Variants in NIBAN2 observed in about 807,000 individuals in gnomAD.
NIBAN2 encodes the protein protein Niban 2.
NIBAN2 carries 36 observed loss-of-function variants against 81.8 expected under a neutral mutation model. The observed-to-expected ratio is 0.44, with a 90% CI of 0.34 to 0.58. The LOEUF (loss-of-function observed/expected upper bound fraction) is 0.58, where lower values mean the gene tolerates loss of function less well. Among genes scored for constraint, NIBAN2 ranks in the 20% least tolerant of loss-of-function variants. The probability of loss-of-function intolerance (pLI) is 0.02; values close to 1 mark genes in which losing one functional copy is unlikely to be tolerated. For missense variants in NIBAN2, 897 were observed against 1,014.1 expected, an observed-to-expected ratio of 0.88 and a Z score of 1.57; for synonymous variants, 445 against 441.6, an observed-to-expected ratio of 1.01 and a Z score of -0.10.
intron 1 of NIBAN2, 138 bp downstream of exon 1, chr9:127,568,682 C>T (rs1276487015): frequency 1.7e-5 from 12 of 723,456 alleles, no homozygotes; most frequent in Non-Finnish European, 2.2e-5. Flanking sequence ...ACGCGGGGCA[C>T]GCTCCCTGGC....
At chr9:127,573,005 G>A (rs1443903300), upstream of NIBAN2, among the ~76,000 whole-genome samples, 5 of 152,094 alleles carry the variant, frequency 3.3e-5, no homozygotes, top group African/African-American at 9.7e-5. Flanking sequence ...TGATCTCGCC[G>A]CTACACTCCA....
rs756182942 is a variant in NIBAN2 at position 127,531,681 on chromosome 9, C to T, written c.153G>A (p.Thr51=). The change falls in exon 2 of 14, where the codon ACG becomes ACA. Residue 51 remains threonine (T), a synonymous_variant. Coordinates refer to ENST00000373312, the MANE Select transcript of NIBAN2 (RefSeq NM_022833.4). ...FNSMRHEIEG[T]GLPQAQLLWR... ...AGAGCAGCTGGGCCTGCGGCAGCCC[C>T]GTGCCCTCAATCTCATGGCGCATGC... 79 of 1,613,786 alleles carry T rather than the reference C, an allele frequency of 4.9e-5. No homozygotes were observed. Among genetic ancestry groups the T allele is most frequent in the Middle Eastern group, 1.6e-4 (1 of 6,082 alleles).
At position 127,517,904 on chromosome 9, in the gene NIBAN2, G is replaced by A; in HGVS notation, c.627C>T (p.Phe209=). The A allele has an allele frequency of 3.1e-6, 5 of 1,612,778 alleles. No homozygotes were observed. The highest frequency in any genetic ancestry group is 4.2e-6 in the Non-Finnish European group (5 of 1,179,426). Residue 209 remains phenylalanine, a synonymous_variant, in exon 6 of 14, where the codon TTC becomes TTT. Transcript: ENST00000373312. The surrounding 1 kb of genome is among the most constrained non-coding windows in gnomAD (Gnocchi z 4.0). ...GTCGGTACATGCGGATGGCATCTGT[G>A]AACGCAGGGCCCTCTACCTTGGAGT... ...PEDSKVEGPA[F]TDAIRMYRQS...
intron 1 of NIBAN2, among the ~76,000 whole-genome samples, chr9:127,540,624 T>C (rs1431217133): frequency 1.3e-5 from 2 of 152,158 alleles, no homozygotes; most frequent in Admixed American, 1.3e-4. Flanking sequence ...ATCACTCTGC[T>C]GAGAAGAGGC....
At chr9:127,571,802 G>C (rs1837949048), upstream of NIBAN2, among the ~76,000 whole-genome samples, 1 of 152,082 alleles carries the variant, frequency 6.6e-6, no homozygotes. Flanking sequence ...GCCAGTCCCT[G>C]ACAATTCAAG....
At chr9:127,557,267 G>A (rs754181963) in intron 1 of NIBAN2, among the ~76,000 whole-genome samples, 1 of 152,142 alleles carries the variant, frequency 6.6e-6, no homozygotes, top group African/African-American at 2.4e-5. Flanking sequence ...GCCTGGAAGG[G>A]TCAGTCTGAA....
At chr9:127,556,576 A>G (rs74627106) in intron 1 of NIBAN2, among the ~76,000 whole-genome samples, 4,014 of 152,348 alleles carry the variant, frequency 0.026, 177 homozygotes, top group African/African-American at 0.091. Flanking sequence ...CTTTACACAC[A>G]TAATTTAATA....
chr9:127,557,087 A>C (rs1338458505), intron 1 of NIBAN2, among the ~76,000 whole-genome samples: 3 of 152,060 alleles, frequency 2.0e-5, no homozygotes, highest in Non-Finnish European at 4.4e-5. Context: ...AAAAACAAAA[A>C]TGAATCACAA....
intron 1 of NIBAN2, among the ~76,000 whole-genome samples, chr9:127,568,323 T>C (rs976343328): frequency 2.6e-5 from 4 of 152,158 alleles, no homozygotes; most frequent in Non-Finnish European, 5.9e-5. Flanking sequence ...CGGGCCTTCA[T>C]GGGCGCGTCC....
chr9:127,515,880 G>A (rs890072287), intron 8 of NIBAN2, among the ~76,000 whole-genome samples: 22 of 152,156 alleles, frequency 1.4e-4, no homozygotes, highest in Non-Finnish European at 2.8e-4. Context: ...GCTCACATCT[G>A]TAATCCTAGC....
At chr9:127,571,186 G>C (rs1226410185), upstream of NIBAN2, among the ~76,000 whole-genome samples, 8 of 149,152 alleles carry the variant, frequency 5.4e-5, no homozygotes, top group African/African-American at 1.8e-4. Flanking sequence ...CCCAAGCCTG[G>C]AACACCCACA....
At chr9:127,523,649 C>T in intron 5 of NIBAN2, 30 bp downstream of exon 5, 4 of 1,591,346 alleles carry the variant, frequency 2.5e-6, no homozygotes, top group Non-Finnish European at 3.4e-6. Flanking sequence ...CCCCTCCCTC[C>T]CACCGACCCT....
At chr9:127,558,045 C>A (rs1046735534) in intron 1 of NIBAN2, among the ~76,000 whole-genome samples, 1 of 143,784 alleles carries the variant, frequency 7.0e-6, no homozygotes, top group Non-Finnish European at 1.6e-5. Context: ...GAAAGGGCTG[C>A]CCCTTCCCCC....
chr9:127,521,055 G>A (rs993842446), intron 5 of NIBAN2, among the ~76,000 whole-genome samples: 2 of 152,148 alleles, frequency 1.3e-5, no homozygotes, highest in African/African-American at 4.8e-5. Flanking sequence ...CCTTGCCCTC[G>A]ACTCAGACCT....
In NIBAN2 at chr9:127,567,680, A is replaced by C. The variant is rs1164464779; in HGVS notation, c.55+1140T>G. On this transcript the variant is annotated intron_variant, in intron 1 of 13. Coordinates refer to ENST00000373312, the MANE Select transcript of NIBAN2 (RefSeq NM_022833.4). The stretch of plus-strand genomic sequence containing the variant: ...ACGGTGGTGAAATTCTACAGGACAC[A>C]AAAATAAGTGCAGGCGGACGCGGTG... Among the ~76,000 whole-genome samples the C allele has an allele frequency of 4.6e-5, 7 of 152,344 alleles. No individual in the cohort carries two copies. The East Asian group carries it at 1.3e-3, about 29-fold the overall frequency.
Position 127,555,591 on chromosome 9 carries a change from C to T in NIBAN2, c.55+13229G>A, listed in dbSNP as rs1250235045. 1.3e-5 allele frequency among the ~76,000 whole-genome samples: 2 copies of T among 152,166 alleles called. 1 individual carries two copies. Among genetic ancestry groups the T allele is most frequent in the Non-Finnish European group, 2.9e-5 (2 of 68,028 alleles). On this transcript the variant is annotated intron_variant, in intron 1 of 13. Coordinates refer to ENST00000373312, the MANE Select transcript of NIBAN2 (RefSeq NM_022833.4). ...CTTTGGGAGGCCAAGGCAGGAGGGT[C>T]ACGTGAACAGCACACCTCTAAGATG...
intron 1 of NIBAN2, among the ~76,000 whole-genome samples, chr9:127,553,155 T>C (rs1837608939): frequency 6.6e-6 from 1 of 152,246 alleles, no homozygotes; most frequent in East Asian, 1.9e-4. Context: ...TATTTTCTAA[T>C]TTTCTTTGAC....
intron 1 of NIBAN2, among the ~76,000 whole-genome samples, chr9:127,534,569 C>A (rs913166444): frequency 7.9e-5 from 12 of 152,134 alleles, no homozygotes; most frequent in African/African-American, 2.9e-4. Context: ...TGTGACCTTC[C>A]TGGGTGTCTG....
chr9:127,549,019 C>T (rs150530720), intron 1 of NIBAN2, among the ~76,000 whole-genome samples: 44 of 152,292 alleles, frequency 2.9e-4, no homozygotes, highest in East Asian at 2.5e-3. Flanking sequence ...AAAGAGCACC[C>T]ACCTCCAAGA....
Sources: allele counts gnomAD v4.1 joint callset (sites outside exome capture counted in the v4.1 genomes callset), GRCh38; gene constraint gnomAD v4.1.1; non-coding constraint Gnocchi (gnomAD v3.1); transcripts MANE v1.5; gene names NCBI Gene and HGNC (gene_info 2026-07-23, HGNC 2026-07-21).